The following KMT2E variants were observed in gnomAD, a reference collection of about 807,000 sequenced individuals.
KMT2E encodes the protein lysine methyltransferase 2E (inactive), also known as histone reader KMT2E.
KMT2E carries 30 observed loss-of-function variants against 184.6 expected under a neutral mutation model. That is an observed-to-expected ratio of 0.16 (90% CI 0.12 to 0.22). The LOEUF (loss-of-function observed/expected upper bound fraction) is 0.22, where lower values mean the gene tolerates loss of function less well. Among genes scored for constraint, KMT2E ranks in the 10% least tolerant of loss-of-function variants. The pLI is 1.00. For synonymous variants in KMT2E, 815 were observed against 776.5 expected (o/e 1.05, Z -0.82); for missense variants, 2,023 against 2,237.4 (o/e 0.90, Z 1.93).
chr7:105,079,879 G>A (rs776550955), intron 12 of KMT2E, among the ~76,000 whole-genome samples: 8 of 151,746 alleles, frequency 5.3e-5, no homozygotes, highest in South Asian at 4.2e-4. Flanking sequence ...TCTTGCCTAG[G>A]CTGGAGTGCA....
rs1244085322 is a variant in KMT2E at position 105,062,352 on chromosome 7, C to G, written c.186+74C>G. On this transcript the variant is annotated intron_variant, in intron 4 of 26. Coordinates refer to ENST00000311117, the MANE Select transcript of KMT2E (RefSeq NM_182931.3). ...GAAAGTAGATGCATGTGATACTGTG[C>G]TTGAAACGGCATGTTTGAAAAGCAT... The G allele has an allele frequency of 3.4e-6, 3 of 879,094 alleles. No homozygotes were observed. In the African/African-American group the frequency reaches 5.0e-5, roughly 15 times the overall value. The allele number at this position is 879,094 out of a possible 1,614,324, so 54.5% of individuals were successfully genotyped here. A position where few individuals can be genotyped will look rare whatever the true frequency, so the allele number is the denominator to read the frequency against.
chr7:105,024,284 A>G (rs899026405), intron 1 of KMT2E, among the ~76,000 whole-genome samples: 1 of 152,210 alleles, frequency 6.6e-6, no homozygotes, highest in Non-Finnish European at 1.5e-5. Context: ...CTGTGTGCCA[A>G]TATGTCTTAA....
intron 17 of KMT2E, chr7:105,103,199 C>A (rs1436290095): frequency 6.6e-6 from 1 of 152,128 alleles, no homozygotes; most frequent in Admixed American, 6.5e-5. Flanking sequence ...ATGACATAAT[C>A]CCTACCTTTT....
chr7:105,066,869 A>G, intron 6 of KMT2E, 62 bp downstream of exon 6: 1 of 1,165,520 alleles, frequency 8.6e-7, no homozygotes. Flanking sequence ...TAGTTAACAG[A>G]AATTCCTTTA....
At chr7:105,109,817 G>A (rs1799107521) in intron 23 of KMT2E, among the ~76,000 whole-genome samples, 2 of 151,702 alleles carry the variant, frequency 1.3e-5, no homozygotes, top group South Asian at 2.1e-4. Context: ...TCTCAGTTCT[G>A]GGAGCAGTCA....
chr7:105,059,978 GTTTTTTTTTTTTTTTTTTTTTT>G (rs67291226), intron 3 of KMT2E, among the ~76,000 whole-genome samples: 3 of 51,764 alleles, frequency 5.8e-5, no homozygotes, highest in African/African-American at 1.7e-4. Flanking sequence ...TCTTGTTGTT[GTTTTTTTTTTTTTTTTTTTTTT>G]TTTTTTTTTT....
chr7:105,036,994 TAGTC>T (rs1795687761), intron 1 of KMT2E, among the ~76,000 whole-genome samples: 1 of 152,142 alleles, frequency 6.6e-6, no homozygotes, highest in South Asian at 2.1e-4. Context: ...CATTTTACCT[TAGTC>T]AGCTGCTGTA....
chr7:105,067,056 C>CT (rs1394127003), intron 6 of KMT2E, among the ~76,000 whole-genome samples: 1,536 of 47,482 alleles, frequency 0.032, 15 homozygotes, highest in Middle Eastern at 0.11. Context: ...AACCCAGTCT[C>CT]TTTTTTTTTT....
intron 3 of KMT2E, among the ~76,000 whole-genome samples, chr7:105,051,922 A>G (rs930844730): frequency 1.3e-5 from 2 of 152,082 alleles, no homozygotes; most frequent in African/African-American, 2.4e-5. Flanking sequence ...ACTTTTATCC[A>G]TTTCTACTGT....
chr7:105,062,341 G>A (rs1396762758), intron 4 of KMT2E, 63 bp downstream of exon 4: 3 of 1,037,918 alleles, frequency 2.9e-6, no homozygotes, highest in Non-Finnish European at 4.4e-6. Context: ...GTAGATGCAT[G>A]TGATACTGTG....
At chr7:105,050,464 T>C (rs1233572871) in intron 3 of KMT2E, among the ~76,000 whole-genome samples, 1 of 152,192 alleles carries the variant, frequency 6.6e-6, no homozygotes, top group Non-Finnish European at 1.5e-5. Flanking sequence ...ATAATCTCTG[T>C]GTGTGGTTAC....
At chr7:105,034,548 CA>C (rs756394384) in intron 1 of KMT2E, among the ~76,000 whole-genome samples, 110 of 151,998 alleles carry the variant, frequency 7.2e-4, no homozygotes, top group Admixed American at 1.3e-3. Context: ...AGAATATTGA[CA>C]TTGATACAAT....
Position 105,112,563 on chromosome 7 carries a change from C to T in KMT2E, c.4807C>T (p.His1603Tyr). The change falls in exon 27 of 27, where the codon CAC becomes TAC. Residue 1603 changes from histidine to tyrosine, a missense_variant. Physicochemically the swap from His to Tyr is moderately conservative, Grantham distance 83. Transcript: ENST00000311117. ...TTSQQTVPGH[H>Y]VTPGHFLPSQ... ...AAGCCAGCAAACAGTTCCAGGACAC[C>T]ACGTGACTCCAGGGCATTTTTTGCC... 1 of 1,613,998 alleles carries T rather than the reference C, an allele frequency of 6.2e-7. No individual in the cohort carries two copies.
chr7:105,107,980 ATAC>A, intron 22 of KMT2E, 55 bp downstream of exon 22: 1 of 1,131,122 alleles, frequency 8.8e-7, no homozygotes, highest in Non-Finnish European at 1.2e-6. Context: ...TTTTTTCATA[ATAC>A]TACTGAGGGG....
chr7:105,036,523 A>G (rs1380977207), intron 1 of KMT2E, among the ~76,000 whole-genome samples: 1 of 152,104 alleles, frequency 6.6e-6, no homozygotes, highest in Admixed American at 6.5e-5. Flanking sequence ...GAATCAGACC[A>G]CAAGGGTTCA....
At chr7:105,077,641 G>T in intron 11 of KMT2E, 2 of 476,874 alleles carry the variant, frequency 4.2e-6, no homozygotes, top group Non-Finnish European at 7.4e-6. Context: ...GATATATTCC[G>T]GTCTCTTGCT....
chr7:105,105,815 C>T (rs1562930567), intron 18 of KMT2E, 44 bp from the exon 19 acceptor site: 8 of 1,590,816 alleles, frequency 5.0e-6, no homozygotes, highest in Middle Eastern at 1.7e-4. Context: ...ATATAAACAG[C>T]TACAAAGTGA....
rs1434287136 is a variant in KMT2E, at chr7:105,112,323, C to G, written c.4567C>G (p.Pro1523Ala). ...TTCTGGAACATTATTTACACAGACA[C>G]CCTCAGGACAATCTTCAGCAACATA... ...ATSGTLFTQTPSGQSSATYSQ... is the reference protein window; with the variant it reads ...ATSGTLFTQTASGQSSATYSQ... Residue 1523 changes from proline (P) to alanine (A), a missense_variant, in exon 27 of 27, where the codon CCC becomes GCC. Physicochemically the swap from Pro to Ala is conservative, Grantham distance 27. Coordinates refer to ENST00000311117, the MANE Select transcript of KMT2E (RefSeq NM_182931.3). 4 of 1,613,812 alleles carry G rather than the reference C, an allele frequency of 2.5e-6. No individual in the cohort carries two copies. In the East Asian group the frequency reaches 8.9e-5, roughly 36 times the overall value.
intron 1 of KMT2E, among the ~76,000 whole-genome samples, chr7:105,035,394 C>G (rs192327596): frequency 6.0e-5 from 9 of 151,190 alleles, no homozygotes; most frequent in Admixed American, 3.9e-4. Flanking sequence ...GTCTCGAACT[C>G]CTGACCTCAA....
Sources: allele counts gnomAD v4.1 joint callset (sites outside exome capture counted in the v4.1 genomes callset), GRCh38; gene constraint gnomAD v4.1.1; transcripts MANE v1.5; gene names NCBI Gene and HGNC (gene_info 2026-07-23, HGNC 2026-07-21).